SUPT3H: variants seen among roughly 807,000 people sequenced by gnomAD.
The protein encoded by SUPT3H is SPT3 homolog, SAGA and STAGA complex component.
Under a neutral mutation model 44.3 loss-of-function variants are expected in SUPT3H, and 44 were observed. That is an observed-to-expected ratio of 0.99 (90% CI 0.78 to 1.28). The LOEUF is 1.28. Ranked by LOEUF, SUPT3H falls within the 50% of genes most tolerant of loss-of-function variation. The pLI, the probability that SUPT3H is intolerant of heterozygous loss-of-function variation, is 0.00. For missense variants in SUPT3H, 380 were observed against 387.1 expected (o/e 0.98, Z 0.15); for synonymous variants, 124 against 125.6 (o/e 0.99, Z 0.09).
chr6:45,228,874 A>AG (rs1221883699), intron 2 of SUPT3H, among the ~76,000 whole-genome samples: 2 of 152,128 alleles, frequency 1.3e-5, no homozygotes, highest in Non-Finnish European at 2.9e-5. Flanking sequence ...TCCTGACCTA[A>AG]GGCGATCCAC....
At chr6:45,182,709 C>T (rs956095647) in intron 2 of SUPT3H, among the ~76,000 whole-genome samples, 2 of 152,218 alleles carry the variant, frequency 1.3e-5, no homozygotes, top group African/African-American at 4.8e-5. Flanking sequence ...GAATGGAAGG[C>T]TGTATTTCTT....
intron 2 of SUPT3H, among the ~76,000 whole-genome samples, chr6:45,352,970 C>G (rs1393289598): frequency 6.6e-6 from 1 of 152,070 alleles, no homozygotes; most frequent in East Asian, 1.9e-4. Context: ...CTGATTTTTA[C>G]ATACTGCAGT....
At chr6:44,810,792 G>A (rs1766462309) in intron 11 of SUPT3H, among the ~76,000 whole-genome samples, 1 of 152,046 alleles carries the variant, frequency 6.6e-6, no homozygotes, top group Non-Finnish European at 1.5e-5. Flanking sequence ...TGTAGTCCCA[G>A]CTACTTGGGA....
intron 2 of SUPT3H, among the ~76,000 whole-genome samples, chr6:45,357,525 T>C (rs1031981246): frequency 6.6e-6 from 1 of 151,904 alleles, no homozygotes; most frequent in Non-Finnish European, 1.5e-5. Flanking sequence ...GCGTCTCAAG[T>C]ATGTTGCCCG....
chr6:45,102,389 C>T (rs1030187877), intron 3 of SUPT3H, among the ~76,000 whole-genome samples: 3 of 152,066 alleles, frequency 2.0e-5, no homozygotes, highest in Admixed American at 2.0e-4. Flanking sequence ...AGAGAGGTGA[C>T]CTCCTGTCTA....
intron 1 of SUPT3H, among the ~76,000 whole-genome samples, chr6:45,366,595 TA>T (rs1275117150): frequency 1.3e-5 from 2 of 152,154 alleles, no homozygotes; most frequent in Non-Finnish European, 2.9e-5. Flanking sequence ...AATTTAGATG[TA>T]TTACCCTTTT....
intron 2 of SUPT3H, among the ~76,000 whole-genome samples, chr6:45,225,595 T>A (rs1171711461): frequency 3.3e-5 from 5 of 152,290 alleles, no homozygotes; most frequent in African/African-American, 1.2e-4. Flanking sequence ...TCTTCCACTA[T>A]CTTCTTCCTC....
intron 3 of SUPT3H, among the ~76,000 whole-genome samples, chr6:45,044,422 T>C (rs1214074946): frequency 6.6e-6 from 1 of 152,202 alleles, no homozygotes; most frequent in East Asian, 1.9e-4. Context: ...CACTAGGGAA[T>C]AGGTGATAGC....
At chr6:45,356,333 T>A (rs1453317045) in intron 2 of SUPT3H, among the ~76,000 whole-genome samples, 1 of 152,086 alleles carries the variant, frequency 6.6e-6, no homozygotes, top group Non-Finnish European at 1.5e-5. Flanking sequence ...CACACACATA[T>A]ACACACATAT....
At chr6:44,809,772 A>C (rs1485918450) in intron 11 of SUPT3H, among the ~76,000 whole-genome samples, 1 of 152,214 alleles carries the variant, frequency 6.6e-6, no homozygotes, top group Non-Finnish European at 1.5e-5. Flanking sequence ...CTTAAATAAC[A>C]GATTTCAGGA....
At chr6:45,227,661 G>A (rs911892723) in intron 2 of SUPT3H, among the ~76,000 whole-genome samples, 5 of 152,152 alleles carry the variant, frequency 3.3e-5, no homozygotes, top group Non-Finnish European at 7.3e-5. Flanking sequence ...GATCACAACT[G>A]GTTTCCCAGT....
At chr6:44,937,593 G>A in intron 9 of SUPT3H, among the ~76,000 whole-genome samples, 1 of 151,936 alleles carries the variant, frequency 6.6e-6, no homozygotes, top group East Asian at 1.9e-4. Context: ...TCACCAACAT[G>A]TTATTTTCTC....
At chr6:45,134,214 G>A (rs141273961) in intron 2 of SUPT3H, among the ~76,000 whole-genome samples, 175 of 152,224 alleles carry the variant, frequency 1.1e-3, no homozygotes, top group African/African-American at 4.0e-3. Flanking sequence ...GGAAACAAGC[G>A]AGGGCCGAAC....
chr6:44,860,285 G>A (rs908726253), intron 10 of SUPT3H, among the ~76,000 whole-genome samples: 2 of 152,182 alleles, frequency 1.3e-5, no homozygotes, highest in Non-Finnish European at 2.9e-5. Flanking sequence ...TCTCTTCAGA[G>A]ATATTCACAA....
At chr6:45,216,724 T>C (rs1387602845) in intron 2 of SUPT3H, among the ~76,000 whole-genome samples, 1 of 152,150 alleles carries the variant, frequency 6.6e-6, no homozygotes, top group Non-Finnish European at 1.5e-5. Flanking sequence ...TACGTAATGA[T>C]AAATGGATCA....
rs1355240098 is a variant in SUPT3H, at chr6:44,828,044, T to C, written c.*1772A>G. On this transcript the variant is annotated 3_prime_UTR_variant, in exon 11 of 11. Coordinates refer to ENST00000371459, the MANE Select transcript of SUPT3H (RefSeq NM_003599.4). ...ACGAAGGAAAAAAACCCAAACCCTA[T>C]ATTTTCTGCCTTGTGCATACTTTAA... 1.3e-5 allele frequency among the ~76,000 whole-genome samples: 2 copies of C among 152,104 alleles called. No homozygotes were observed. Among genetic ancestry groups the C allele is most frequent in the Admixed American group, 1.3e-4 (2 of 15,262 alleles).
intron 2 of SUPT3H, among the ~76,000 whole-genome samples, chr6:45,285,808 C>G (rs1279245907): frequency 1.3e-5 from 2 of 152,138 alleles, no homozygotes; most frequent in African/African-American, 4.8e-5. Context: ...CCCAAAAGAA[C>G]AAAGCTGAAG....
chr6:44,880,375 A>G (rs1778025384), intron 10 of SUPT3H, among the ~76,000 whole-genome samples: 1 of 152,126 alleles, frequency 6.6e-6, no homozygotes, highest in African/African-American at 2.4e-5. Context: ...ACAACATTAG[A>G]GAAAAAAGAA....
At chr6:45,161,757 T>C (rs147822585) in intron 2 of SUPT3H, among the ~76,000 whole-genome samples, 18 of 152,290 alleles carry the variant, frequency 1.2e-4, no homozygotes, top group Admixed American at 1.0e-3. Flanking sequence ...AGACCTACTA[T>C]ATTATTCTTC....
Sources: gnomAD v4.1 joint callset for allele counts (sites outside exome capture counted in the v4.1 genomes callset) on GRCh38, gnomAD v4.1.1 for gene constraint, MANE v1.5 for transcripts, NCBI Gene and HGNC (gene_info 2026-07-23, HGNC 2026-07-21) for gene names.